The following NUP98 variants were observed in gnomAD, a reference collection of about 807,000 sequenced individuals.
NUP98 encodes the protein nuclear pore complex protein Nup98-Nup96.
In NUP98, 26 loss-of-function variants were observed where a neutral mutation model predicts 191.9. That is an observed-to-expected ratio of 0.14 (90% CI 0.10 to 0.19). The LOEUF (loss-of-function observed/expected upper bound fraction) is 0.19. Among genes scored for constraint, NUP98 ranks in the 10% least tolerant of loss-of-function variants. NUP98 has a pLI of 1.00. For synonymous variants in NUP98, 808 were observed against 778.4 expected (o/e 1.04, Z -0.63); for missense variants, 1,941 against 2,178.8 (o/e 0.89, Z 2.17).
intron 28 of NUP98, among the ~76,000 whole-genome samples, chr11:3,687,448 G>C (rs967159538): frequency 6.6e-6 from 1 of 152,156 alleles, no homozygotes; most frequent in Non-Finnish European, 1.5e-5. Flanking sequence ...GTCCACCTAA[G>C]AAATCTTCTG....
intron 22 of NUP98, among the ~76,000 whole-genome samples, chr11:3,703,706 T>G (rs2078777851): frequency 2.0e-5 from 3 of 152,084 alleles, no homozygotes; most frequent in Admixed American, 2.0e-4. Flanking sequence ...CATATAAAAG[T>G]AAGATCAAAA....
At chr11:3,702,355 TCTCTCTCTCTCTC>T in intron 23 of NUP98, 95 bp downstream of exon 23, 1 of 636,444 alleles carries the variant, frequency 1.6e-6, no homozygotes, top group South Asian at 1.9e-5. Context: ...TCTCTCTCTC[TCTCTCTCTCTCTC>T]TAGAAAGATG....
intron 22 of NUP98, among the ~76,000 whole-genome samples, chr11:3,703,924 G>A (rs1429430133): frequency 6.6e-6 from 1 of 152,126 alleles, no homozygotes; most frequent in African/African-American, 2.4e-5. Context: ...CTAGCCTCAA[G>A]CCATCCTCCT....
chr11:3,700,695 G>A lies in NUP98; in HGVS notation c.3657C>T (p.Leu1219=). Residue 1219 remains leucine, a synonymous_variant, in exon 24 of 33, where the codon CTC becomes CTT. Coordinates refer to ENST00000324932, the MANE Select transcript of NUP98 (RefSeq NM_016320.5). ...CAGCAACTCCCAGATTGGGGACAAT[G>A]AGAGGACACAGTTCATCCACATGGA... is the stretch of plus-strand genomic sequence containing the variant. ...STVHVDELCP[L]IVPNLGVAVI... 1 of 1,614,208 alleles carries A rather than the reference G, an allele frequency of 6.2e-7. No individual in the cohort carries two copies. The highest frequency in any genetic ancestry group is 8.5e-7 in the Non-Finnish European group (1 of 1,180,012).
intron 1 of NUP98, among the ~76,000 whole-genome samples, chr11:3,796,288 T>C (rs2082559309): frequency 6.6e-6 from 1 of 152,230 alleles, no homozygotes. Flanking sequence ...AACGGACTCC[T>C]ACCTGGCTTT....
At chr11:3,713,301 G>T (rs2079075480) in intron 19 of NUP98, among the ~76,000 whole-genome samples, 1 of 152,178 alleles carries the variant, frequency 6.6e-6, no homozygotes, top group South Asian at 2.1e-4. Flanking sequence ...ATAGGAGTTG[G>T]GTAGAGGACT....
intron 5 of NUP98, among the ~76,000 whole-genome samples, chr11:3,774,161 A>G (rs1055033965): frequency 6.6e-6 from 1 of 152,156 alleles, no homozygotes; most frequent in African/African-American, 2.4e-5. Flanking sequence ...GCACTCTGGG[A>G]GGCCGAGGCG....
chr11:3,702,548 G>C lies in NUP98; in HGVS notation c.3427C>G (p.Leu1143Val). Residue 1143 changes from leucine (L) to valine (V), a missense_variant, in exon 23 of 33, where the codon CTG (leucine) becomes GTG (valine). This residue lies in a region of NUP98 where 1,030 missense variants were observed against 1,115.8 expected (regional missense o/e 0.92). Transcript: ENST00000324932. ...NWTLANSGEQ[L>V]NGSHELENHQ... ...TTTTCTAGTTCATGAGAGCCATTCA[G>C]CTGTTCTCCACTATTAGCAAGAGTC... The C allele has an allele frequency of 6.2e-7, 1 of 1,614,120 alleles. No individual in the cohort carries two copies. The highest frequency in any genetic ancestry group is 8.5e-7 in the Non-Finnish European group (1 of 1,180,024).
At chr11:3,700,268 C>CAAAAAA (rs35824298) in intron 24 of NUP98, among the ~76,000 whole-genome samples, 6 of 93,362 alleles carry the variant, frequency 6.4e-5, no homozygotes, top group Non-Finnish European at 8.7e-5. Context: ...GACTCCGTCT[C>CAAAAAA]AAAAAAAAAA....
chr11:3,792,841 G>T (rs536690665), intron 1 of NUP98, among the ~76,000 whole-genome samples: 1 of 152,046 alleles, frequency 6.6e-6, no homozygotes, highest in Non-Finnish European at 1.5e-5. Flanking sequence ...GTTTGAGGCC[G>T]GGCACGGTGG....
At chr11:3,729,360 T>C (rs569844223) in intron 14 of NUP98, among the ~76,000 whole-genome samples, 5 of 151,468 alleles carry the variant, frequency 3.3e-5, no homozygotes, top group African/African-American at 7.3e-5. Context: ...GGAAGACAAT[T>C]ATGAAAGTGA....
At chr11:3,770,540 T>A (rs1354972993) in intron 7 of NUP98, among the ~76,000 whole-genome samples, 8 of 142,582 alleles carry the variant, frequency 5.6e-5, no homozygotes, top group Non-Finnish European at 1.3e-4. Context: ...CTTAGATAAA[T>A]ACGTATTTGT....
At chr11:3,792,103 CG>C (rs1247313480) in intron 1 of NUP98, among the ~76,000 whole-genome samples, 1 of 134,862 alleles carries the variant, frequency 7.4e-6, no homozygotes, top group Non-Finnish European at 1.5e-5. Flanking sequence ...GGCGTGAACC[CG>C]GGAAGTGGAG....
intron 23 of NUP98, among the ~76,000 whole-genome samples, chr11:3,702,107 G>A (rs1161489495): frequency 2.0e-5 from 3 of 151,940 alleles, no homozygotes; most frequent in Non-Finnish European, 4.4e-5. Context: ...GTGTGGTGGC[G>A]TGTGCATGTA....
intron 12 of NUP98, among the ~76,000 whole-genome samples, chr11:3,742,699 CAAAAA>C (rs35895691): frequency 5.2e-4 from 43 of 82,882 alleles, no homozygotes; most frequent in Non-Finnish European, 9.1e-4. Context: ...ACTCTGTCTC[CAAAAA>C]AAAAAAAAAA....
chr11:3,772,223 T>TC (rs1298543888), intron 6 of NUP98, among the ~76,000 whole-genome samples: 2 of 151,892 alleles, frequency 1.3e-5, no homozygotes, highest in Non-Finnish European at 2.9e-5. Context: ...ATCCTAACTC[T>TC]CCCCAGCCCT....
chr11:3,684,766 C>CAAAAAAAAAAAAAAAA (rs71041370), intron 29 of NUP98, among the ~76,000 whole-genome samples: 6 of 101,802 alleles, frequency 5.9e-5, no homozygotes, highest in African/African-American at 1.9e-4. Context: ...TTTCACAGGC[C>CAAAAAAAAAAAAAAAA]AAAAAAAAAA....
At chr11:3,746,130 T>C (rs900139250) in intron 11 of NUP98, among the ~76,000 whole-genome samples, 7 of 151,432 alleles carry the variant, frequency 4.6e-5, no homozygotes, top group African/African-American at 1.7e-4. Context: ...ATTAGCTGGG[T>C]GTGGTGGCAC....
chr11:3,714,891 C>T (rs1009027880), intron 18 of NUP98: 3 of 152,224 alleles, frequency 2.0e-5, no homozygotes, highest in African/African-American at 7.2e-5. Flanking sequence ...TACCCATTCA[C>T]TTATCAATGA....
Sources: gnomAD v4.1 joint callset for allele counts (sites outside exome capture counted in the v4.1 genomes callset) on GRCh38, gnomAD v4.1.1 for gene constraint, gnomAD v4.1.1 regional missense constraint, MANE v1.5 for transcripts, NCBI Gene and HGNC (gene_info 2026-07-23, HGNC 2026-07-21) for gene names.